PSMD12: variants seen among roughly 807,000 people sequenced by gnomAD.
PSMD12 encodes the protein proteasome 26S subunit, non-ATPase 12, also known as 26S proteasome non-ATPase regulatory subunit 12.
Under a neutral mutation model 62.9 loss-of-function variants are expected in PSMD12, and 8 were observed. The ratio of observed to expected loss-of-function variants is 0.13; its 90% CI spans 0.07 to 0.23. The LOEUF (loss-of-function observed/expected upper bound fraction) is 0.23, where lower values mean the gene tolerates loss of function less well. Among genes scored for constraint, PSMD12 ranks in the 10% least tolerant of loss-of-function variants. PSMD12 has a pLI of 1.00. For synonymous variants in PSMD12, 173 were observed against 187.4 expected, an observed-to-expected ratio of 0.92 and a Z score of 0.63; for missense variants, 424 against 550.2, an observed-to-expected ratio of 0.77 and a Z score of 2.29.
intron 10 of PSMD12, among the ~76,000 whole-genome samples, 153 bp downstream of exon 10, chr17:67,342,031 TAA>T (rs1388172396): frequency 6.6e-6 from 1 of 152,228 alleles, no homozygotes; most frequent in Admixed American, 6.5e-5. Context: ...ACTTGATACT[TAA>T]GTTAGTTTTT....
Position 67,340,753 on chromosome 17 carries a change from C to A in PSMD12, c.*90G>T. On this transcript the variant is annotated 3_prime_UTR_variant, in exon 11 of 11. Coordinates refer to ENST00000356126, the MANE Select transcript of PSMD12 (RefSeq NM_002816.5). The stretch of plus-strand genomic sequence containing the variant: ...TATTTTAAAATTTAAGACAAAGAAG[C>A]TTAGAAAAAAAACCCCAACATATAC... The A allele has an allele frequency of 9.8e-7, 1 of 1,022,844 alleles. No individual in the cohort carries two copies. Among genetic ancestry groups the A allele is most frequent in the Non-Finnish European group, 1.4e-6 (1 of 731,962 alleles). 63.4% of individuals were successfully genotyped at this position (1,022,844 alleles called of 1,614,324 possible).
intron 5 of PSMD12, among the ~76,000 whole-genome samples, chr17:67,347,815 T>A (rs534507933): frequency 2.8e-4 from 42 of 152,310 alleles, no homozygotes; most frequent in Middle Eastern, 6.8e-3. Flanking sequence ...TAAGCCCTCC[T>A]AAGACATCCA....
In PSMD12 at chr17:67,339,615, A is replaced by G. The variant is rs1181152240; in HGVS notation, c.*1228T>C. ...TTGATAATCTTCCATTAAGTGGAAA[A>G]TTAATTAGGAGAAATGCCATTTCTA... On this transcript the variant is annotated 3_prime_UTR_variant, in exon 11 of 11. Coordinates refer to ENST00000356126, the MANE Select transcript of PSMD12 (RefSeq NM_002816.5). 6.6e-6 allele frequency: 1 copy of G among 152,228 alleles called. No homozygotes were observed. The highest frequency in any genetic ancestry group is 1.5e-5 in the Non-Finnish European group (1 of 68,040). 9.4% of individuals were successfully genotyped at this position (152,228 alleles called of 1,614,324 possible).
rs2042086815 is a variant in PSMD12, at chr17:67,357,508, A to G, written c.168+11T>C. The stretch of plus-strand genomic sequence containing the variant: ...TAATGGTAACTGAGCTTTCCCCTGT[A>G]AACTACTCACAGTACGAGTCTGCTT... On this transcript the variant is annotated intron_variant, in intron 2 of 10. Transcript: ENST00000356126. The G allele has an allele frequency of 2.5e-6, 4 of 1,613,502 alleles. No individual in the cohort carries two copies. The highest frequency in any genetic ancestry group is 3.4e-6 in the Non-Finnish European group (4 of 1,179,432).
At position 67,339,035 on chromosome 17, in the gene PSMD12, T is replaced by C. The variant is rs2041885072; in HGVS notation, c.*1808A>G. 2 of 152,212 alleles carry C rather than the reference T, an allele frequency of 1.3e-5. No homozygotes were observed. Among genetic ancestry groups the C allele is most frequent in the Admixed American group, 1.3e-4 (2 of 15,290 alleles). The allele number at this position is 152,212 out of a possible 1,614,324, so 9.4% of individuals were successfully genotyped here. The stretch of plus-strand genomic sequence containing the variant: ...ATGTTAACAATACACAATTTTATCT[T>C]CTATCCTTTTCATTCAAAGGAAAAT... On this transcript the variant is annotated 3_prime_UTR_variant, in exon 11 of 11. Transcript: ENST00000356126.
At position 67,356,732 on chromosome 17, in the gene PSMD12, T is replaced by C. The variant is rs539815246; in HGVS notation, c.297+571A>G. 4.6e-5 allele frequency among the ~76,000 whole-genome samples: 7 copies of C among 152,154 alleles called. No individual in the cohort carries two copies. The South Asian group carries it at 1.2e-3, about 27-fold the overall frequency. The stretch of plus-strand genomic sequence containing the variant: ...CCATTTAAAATAATAAAAGTGGGGC[T>C]AGGCACAGGGACTCATGCCTGTAAT... On this transcript the variant is annotated intron_variant, in intron 3 of 10. Coordinates refer to ENST00000356126, the MANE Select transcript of PSMD12 (RefSeq NM_002816.5).
chr17:67,356,615 A>T (rs1472654410), intron 3 of PSMD12, among the ~76,000 whole-genome samples: 1 of 150,770 alleles, frequency 6.6e-6, no homozygotes, highest in Admixed American at 6.6e-5. Context: ...TACTACTAAA[A>T]AAAAATTTTG....
At chr17:67,352,809 C>CA (rs2042030348) in intron 3 of PSMD12, among the ~76,000 whole-genome samples, 1 of 152,236 alleles carries the variant, frequency 6.6e-6, no homozygotes, top group Non-Finnish European at 1.5e-5. Context: ...CCACCCTAGT[C>CA]ACTCAGTAGC....
intron 3 of PSMD12, 66 bp downstream of exon 3, chr17:67,357,237 G>C (rs1272886323): frequency 2.6e-6 from 4 of 1,524,398 alleles, no homozygotes; most frequent in East Asian, 2.3e-5. Flanking sequence ...ACTTATAGAA[G>C]AGCTTGTGAA....
chr17:67,351,462 A>G (rs918750370), intron 3 of PSMD12, among the ~76,000 whole-genome samples: 3 of 150,490 alleles, frequency 2.0e-5, no homozygotes, highest in African/African-American at 7.3e-5. Flanking sequence ...AAAATGTTAA[A>G]TTACATTAAG....
chr17:67,350,994 A>G (rs1192568993), intron 3 of PSMD12, among the ~76,000 whole-genome samples: 1 of 152,174 alleles, frequency 6.6e-6, no homozygotes, highest in African/African-American at 2.4e-5. Flanking sequence ...CTGTGTCCCA[A>G]TGACTTTATT....
At chr17:67,351,390 C>A (rs2042015761) in intron 3 of PSMD12, among the ~76,000 whole-genome samples, 1 of 49,114 alleles carries the variant, frequency 2.0e-5, no homozygotes, top group African/African-American at 8.3e-5. Context: ...AGACTTGTCT[C>A]AAAATAATAA....
intron 3 of PSMD12, among the ~76,000 whole-genome samples, chr17:67,354,895 CAGA>C (rs1429707250): frequency 2.0e-5 from 3 of 151,872 alleles, no homozygotes; most frequent in African/African-American, 4.8e-5. Flanking sequence ...GAGGCTCAGG[CAGA>C]AGAAGTGCAT....
At chr17:67,351,392 A>AAATAATAATAATAATAAT (rs56142901) in intron 3 of PSMD12, among the ~76,000 whole-genome samples, 1,640 of 140,094 alleles carry the variant, frequency 0.012, 12 homozygotes, top group Non-Finnish European at 0.013. Context: ...ACTTGTCTCA[A>AAATAATAATAATAATAAT]AATAATAATA....
intron 3 of PSMD12, among the ~76,000 whole-genome samples, chr17:67,356,333 C>T (rs894995801): frequency 6.6e-6 from 1 of 151,156 alleles, no homozygotes; most frequent in African/African-American, 2.4e-5. Flanking sequence ...CCGAGGCGGG[C>T]GGATCACGAG....
At chr17:67,360,710 G>A (rs900252035) in intron 1 of PSMD12, among the ~76,000 whole-genome samples, 1 of 152,126 alleles carries the variant, frequency 6.6e-6, no homozygotes. Context: ...AGTTCCTTTA[G>A]GGCTGGATCC....
At chr17:67,350,157 C>T (rs1160073135) in intron 4 of PSMD12, 72 bp downstream of exon 4, 2 of 881,830 alleles carry the variant, frequency 2.3e-6, no homozygotes, top group Non-Finnish European at 3.4e-6. Flanking sequence ...AAAATATCTA[C>T]ATACATTAAG....
chr17:67,347,803 C>G (rs935627815), intron 5 of PSMD12, among the ~76,000 whole-genome samples: 10 of 152,194 alleles, frequency 6.6e-5, no homozygotes, highest in African/African-American at 2.4e-4. Context: ...TTCCCCCACT[C>G]ATAAGCCCTC....
chr17:67,354,360 T>A (rs1000003213), intron 3 of PSMD12, among the ~76,000 whole-genome samples: 3 of 151,214 alleles, frequency 2.0e-5, no homozygotes, highest in Admixed American at 2.0e-4. Context: ...CAGTGAGCTA[T>A]GATTGCACCA....
Sources: allele counts gnomAD v4.1 joint callset (sites outside exome capture counted in the v4.1 genomes callset), GRCh38; gene constraint gnomAD v4.1.1; transcripts MANE v1.5; gene names NCBI Gene and HGNC (gene_info 2026-07-23, HGNC 2026-07-21).